DACH1: variants seen among roughly 807,000 people sequenced by gnomAD.
DACH1 encodes the protein dachshund family transcription factor 1, also known as dachshund homolog 1.
DACH1 carries 12 observed loss-of-function variants against 54.2 expected under a neutral mutation model. The ratio of observed to expected loss-of-function variants is 0.22; its 90% CI spans 0.14 to 0.36. The LOEUF is 0.36. DACH1 is among the 10% of genes least tolerant of loss of function. DACH1 has a pLI of 1.00. For synonymous variants in DACH1, 386 were observed against 366.2 expected, an observed-to-expected ratio of 1.05 and a Z score of -0.62; for missense variants, 805 against 929.8, an observed-to-expected ratio of 0.87 and a Z score of 1.75.
chr13:71,755,903 A>G (rs1055270633), intron 1 of DACH1, among the ~76,000 whole-genome samples: 1 of 152,340 alleles, frequency 6.6e-6, no homozygotes, highest in Admixed American at 6.5e-5. Flanking sequence ...AATATTCATC[A>G]TAGACCATTA....
chr13:71,756,013 C>T (rs1239095363), intron 1 of DACH1, among the ~76,000 whole-genome samples: 3 of 151,676 alleles, frequency 2.0e-5, no homozygotes, highest in Admixed American at 6.6e-5. Flanking sequence ...GACTAAAATG[C>T]GTAAACTAAA....
chr13:71,537,517 G>T lies in DACH1; in HGVS notation c.1570+19507C>A, dbSNP rs1334522804. Reference sequence around the variant, plus strand: ...CTTCCAGCAGCTAGAACAGTGCCTGGTCCTCAGACCTCAATGAATAATTGA... The same window carrying T: ...CTTCCAGCAGCTAGAACAGTGCCTGTTCCTCAGACCTCAATGAATAATTGA... On this transcript the variant is annotated intron_variant, in intron 6 of 10. Transcript: ENST00000613252. Among the ~76,000 whole-genome samples the T allele has an allele frequency of 2.0e-5, 3 of 152,076 alleles. No individual in the cohort carries two copies. The East Asian group carries it at 5.8e-4, about 29-fold the overall frequency.
intron 6 of DACH1, among the ~76,000 whole-genome samples, chr13:71,491,385 C>A (rs921734270): frequency 2.6e-5 from 4 of 152,032 alleles, no homozygotes; most frequent in Admixed American, 2.0e-4. Flanking sequence ...TATATATGTA[C>A]ATGTGTGCGT....
At chr13:71,542,736 A>T (rs1883216264) in intron 6 of DACH1, among the ~76,000 whole-genome samples, 1 of 152,150 alleles carries the variant, frequency 6.6e-6, no homozygotes, top group East Asian at 1.9e-4. Flanking sequence ...ATAAACTCTA[A>T]TCTAAAGTCT....
intron 1 of DACH1, among the ~76,000 whole-genome samples, chr13:71,773,814 A>G (rs1040754451): frequency 6.6e-6 from 1 of 152,094 alleles, no homozygotes; most frequent in Admixed American, 6.6e-5. Context: ...ATCATTGAGA[A>G]TATATCTTTG....
chr13:71,614,569 G>C (rs903352552), intron 3 of DACH1, among the ~76,000 whole-genome samples: 4 of 152,090 alleles, frequency 2.6e-5, no homozygotes, highest in African/African-American at 9.7e-5. Context: ...AACTAGGGCA[G>C]CTCATGCCTG....
chr13:71,759,125 GC>G (rs1885293351), intron 1 of DACH1, among the ~76,000 whole-genome samples: 1 of 151,758 alleles, frequency 6.6e-6, no homozygotes, highest in African/African-American at 2.4e-5. Flanking sequence ...CTTTCTGGCT[GC>G]TTTTACTTGA....
chr13:71,573,638 AAAAT>A, intron 3 of DACH1: 1 of 436,928 alleles, frequency 2.3e-6, no homozygotes, highest in South Asian at 7.6e-5. Context: ...TGACTAACTT[AAAAT>A]GAGTTTTTTA....
chr13:71,524,269 G>A (rs1030145173), intron 6 of DACH1, among the ~76,000 whole-genome samples: 12 of 152,186 alleles, frequency 7.9e-5, no homozygotes, highest in Middle Eastern at 3.4e-3. Context: ...GGCAAATAAT[G>A]TCCTGAAGCA....
At chr13:71,484,465 C>T (rs148618336) in intron 7 of DACH1, among the ~76,000 whole-genome samples, 38 of 152,206 alleles carry the variant, frequency 2.5e-4, no homozygotes, top group African/African-American at 8.9e-4. Context: ...CAGCACCCAG[C>T]CAAGCTGAAG....
At chr13:71,864,804 G>T (rs1874607991) in intron 1 of DACH1, among the ~76,000 whole-genome samples, 1 of 149,988 alleles carries the variant, frequency 6.7e-6, no homozygotes, top group South Asian at 2.1e-4. Flanking sequence ...AACTGGTCTG[G>T]CTGGGGACCG....
chr13:71,670,295 C>T (rs1402447267), intron 2 of DACH1, among the ~76,000 whole-genome samples: 2 of 152,100 alleles, frequency 1.3e-5, no homozygotes, highest in African/African-American at 4.8e-5. Flanking sequence ...TCATTGTTTA[C>T]TTTACAATAT....
intron 3 of DACH1, among the ~76,000 whole-genome samples, chr13:71,603,443 C>T (rs1323593495): frequency 1.3e-5 from 2 of 151,956 alleles, no homozygotes; most frequent in Non-Finnish European, 2.9e-5. Flanking sequence ...TTAGTGTGTT[C>T]AGTACACCAA....
chr13:71,443,731 T>C (rs1874208792), intron 10 of DACH1, among the ~76,000 whole-genome samples: 1 of 151,802 alleles, frequency 6.6e-6, no homozygotes, highest in Non-Finnish European at 1.5e-5. Flanking sequence ...ATTTTACCTC[T>C]TTGGCCCCTA....
chr13:71,467,666 C>T (rs1876712797), intron 10 of DACH1, among the ~76,000 whole-genome samples: 1 of 152,010 alleles, frequency 6.6e-6, no homozygotes, highest in African/African-American at 2.4e-5. Context: ...CCTATAATAA[C>T]TATAGAACAA....
At chr13:71,526,468 C>T (rs1235425511) in intron 6 of DACH1, among the ~76,000 whole-genome samples, 2 of 152,140 alleles carry the variant, frequency 1.3e-5, no homozygotes, top group Middle Eastern at 3.4e-3. Context: ...TAAGAGCACA[C>T]ATACTGACTA....
At chr13:71,853,536 A>G (rs1873809019) in intron 1 of DACH1, among the ~76,000 whole-genome samples, 1 of 152,182 alleles carries the variant, frequency 6.6e-6, no homozygotes, top group South Asian at 2.1e-4. Context: ...ACTGTTTATT[A>G]TTAAAAAATT....
chr13:71,656,835 T>C (rs1474908939), intron 2 of DACH1, among the ~76,000 whole-genome samples: 24 of 146,182 alleles, frequency 1.6e-4, no homozygotes, highest in African/African-American at 6.0e-4. Context: ...GATAGACAGA[T>C]AGATTGATAG....
chr13:71,658,588 TG>T (rs1218133908), intron 2 of DACH1, among the ~76,000 whole-genome samples: 1 of 152,106 alleles, frequency 6.6e-6, no homozygotes, highest in Non-Finnish European at 1.5e-5. Flanking sequence ...ATCCATGTAA[TG>T]TATACCAAAA....
Sources: allele counts gnomAD v4.1 joint callset (sites outside exome capture counted in the v4.1 genomes callset), GRCh38; gene constraint gnomAD v4.1.1; transcripts MANE v1.5; gene names NCBI Gene and HGNC (gene_info 2026-07-23, HGNC 2026-07-21).